The following FAM81A variants were observed in gnomAD, a reference collection of about 807,000 sequenced individuals.
FAM81A encodes the protein family with sequence similarity 81 member A, also known as protein FAM81A.
A neutral mutation model predicts 46.7 loss-of-function variants in FAM81A; 19 were observed. The ratio of observed to expected loss-of-function variants is 0.41; its 90% CI spans 0.28 to 0.60. The LOEUF is 0.60. Among genes scored for constraint, FAM81A ranks in the 20% least tolerant of loss-of-function variants. The probability of loss-of-function intolerance (pLI) is 0.34; values close to 1 mark genes in which losing one functional copy is unlikely to be tolerated. For synonymous variants in FAM81A, 183 were observed against 152.9 expected, an observed-to-expected ratio of 1.20 and a Z score of -1.45; for missense variants, 377 against 453.5, an observed-to-expected ratio of 0.83 and a Z score of 1.53.
At chr15:59,479,596 G>A (rs2081823063) in intron 3 of FAM81A, among the ~76,000 whole-genome samples, 1 of 151,140 alleles carries the variant, frequency 6.6e-6, no homozygotes, top group African/African-American at 2.4e-5. Context: ...GACATATGGG[G>A]CCAGGCAAGC....
At chr15:59,459,357 T>G (rs1427598223) in intron 2 of FAM81A, among the ~76,000 whole-genome samples, 1 of 152,182 alleles carries the variant, frequency 6.6e-6, no homozygotes, top group African/African-American at 2.4e-5. Context: ...CACATACAAG[T>G]CGGGATTTGC....
chr15:59,409,510 G>C (rs187927230), intron 2 of FAM81A, among the ~76,000 whole-genome samples: 3 of 152,240 alleles, frequency 2.0e-5, no homozygotes, highest in East Asian at 3.9e-4. Flanking sequence ...AAGCTGGAGA[G>C]GTAGTGCCCA....
chr15:59,509,302 A>G (rs764638394), intron 6 of FAM81A, among the ~76,000 whole-genome samples: 54 of 152,210 alleles, frequency 3.5e-4, no homozygotes, highest in Non-Finnish European at 6.9e-4. Flanking sequence ...AATCAATGAC[A>G]TAAATGAGCA....
intron 4 of FAM81A, among the ~76,000 whole-genome samples, chr15:59,506,833 G>A (rs571873154): frequency 5.3e-5 from 8 of 152,188 alleles, no homozygotes; most frequent in Non-Finnish European, 1.0e-4. Context: ...TAACATGGTA[G>A]AAGTTTCCTC....
At chr15:59,500,111 C>T (rs1448644568) in intron 4 of FAM81A, among the ~76,000 whole-genome samples, 1 of 151,992 alleles carries the variant, frequency 6.6e-6, no homozygotes, top group African/African-American at 2.4e-5. Flanking sequence ...CCTCAGCTTC[C>T]CAAAGTGCTG....
chr15:59,479,876 A>T (rs1226656595), intron 3 of FAM81A, among the ~76,000 whole-genome samples: 2 of 152,230 alleles, frequency 1.3e-5, no homozygotes, highest in Non-Finnish European at 2.9e-5. Flanking sequence ...TGCTGGGGCT[A>T]CATTAGTGAA....
chr15:59,432,280 C>T (rs1055953303), intron 2 of FAM81A, among the ~76,000 whole-genome samples: 16 of 152,194 alleles, frequency 1.1e-4, no homozygotes, highest in South Asian at 2.1e-4. Flanking sequence ...GGTAAGTACA[C>T]GAATCTTCAC....
intron 2 of FAM81A, among the ~76,000 whole-genome samples, chr15:59,458,930 G>T (rs2081516789): frequency 6.6e-6 from 1 of 152,226 alleles, no homozygotes; most frequent in African/African-American, 2.4e-5. Flanking sequence ...TTTTAAATCA[G>T]AAGTTGCAGA....
At chr15:59,403,629 A>C (rs1282447200) in intron 2 of FAM81A, among the ~76,000 whole-genome samples, 3 of 152,176 alleles carry the variant, frequency 2.0e-5, no homozygotes, top group African/African-American at 7.2e-5. Flanking sequence ...ATTTTATGGA[A>C]GTGTTATCTC....
At chr15:59,496,081 ACT>A (rs2082030155) in intron 4 of FAM81A, among the ~76,000 whole-genome samples, 1 of 151,562 alleles carries the variant, frequency 6.6e-6, no homozygotes, top group African/African-American at 2.4e-5. Context: ...TATTTAAGAA[ACT>A]CTTGCCTAAT....
At chr15:59,488,458 T>C (rs1408128706) in intron 3 of FAM81A, among the ~76,000 whole-genome samples, 2 of 152,168 alleles carry the variant, frequency 1.3e-5, no homozygotes, top group South Asian at 2.1e-4. Flanking sequence ...GGCATCCAAA[T>C]TGGAAAGGAA....
chr15:59,436,274 A>G (rs2081242717), upstream of FAM81A, among the ~76,000 whole-genome samples: 1 of 152,166 alleles, frequency 6.6e-6, no homozygotes, highest in Non-Finnish European at 1.5e-5. Context: ...TTTGATGGCC[A>G]GAAGTAAGAA....
chr15:59,412,273 G>A (rs999218376), intron 2 of FAM81A, among the ~76,000 whole-genome samples: 3 of 152,156 alleles, frequency 2.0e-5, no homozygotes, highest in African/African-American at 7.2e-5. Context: ...ATGATGGCAC[G>A]GGAGGTTCAG....
At chr15:59,497,556 T>A (rs1048229169) in intron 4 of FAM81A, among the ~76,000 whole-genome samples, 3 of 152,184 alleles carry the variant, frequency 2.0e-5, no homozygotes, top group African/African-American at 7.2e-5. Context: ...ATTGCCATTT[T>A]AAAAATATTA....
intron 6 of FAM81A, among the ~76,000 whole-genome samples, chr15:59,513,527 A>G (rs1259106061): frequency 1.3e-5 from 2 of 152,210 alleles, no homozygotes; most frequent in Non-Finnish European, 2.9e-5. Flanking sequence ...TATCTGTTGT[A>G]TTCTCCCGCC....
At chr15:59,421,895 CTAT>C (rs755855154) in intron 2 of FAM81A, among the ~76,000 whole-genome samples, 1 of 135,232 alleles carries the variant, frequency 7.4e-6, no homozygotes, top group South Asian at 2.1e-4. Context: ...ATCTATCTAT[CTAT>C]CTATCTATCT....
intron 4 of FAM81A, among the ~76,000 whole-genome samples, chr15:59,501,662 G>C (rs1167817577): frequency 6.6e-6 from 1 of 152,142 alleles, no homozygotes; most frequent in Non-Finnish European, 1.5e-5. Context: ...ATGGACTTCT[G>C]ACCACCAGTG....
At chr15:59,406,982 G>C (rs1336909128) in intron 2 of FAM81A, 1 of 163,086 alleles carries the variant, frequency 6.1e-6, no homozygotes, top group African/African-American at 2.4e-5. Context: ...TTGGTGGCAA[G>C]TTCTTTAGCC....
At chr15:59,490,883 A>C (rs1045041449) in intron 3 of FAM81A, among the ~76,000 whole-genome samples, 1 of 152,216 alleles carries the variant, frequency 6.6e-6, no homozygotes, top group East Asian at 1.9e-4. Context: ...ACCCCAGTTA[A>C]AATGGCTTTT....
Sources: allele counts gnomAD v4.1 joint callset (sites outside exome capture counted in the v4.1 genomes callset), GRCh38; gene constraint gnomAD v4.1.1; transcripts MANE v1.5; gene names NCBI Gene and HGNC (gene_info 2026-07-23, HGNC 2026-07-21).